The following UBE3D variants were observed in gnomAD, a reference collection of about 807,000 sequenced individuals.
The protein encoded by UBE3D is ubiquitin protein ligase E3D, also known as E3 ubiquitin-protein ligase E3D.
Under a neutral mutation model 49.6 loss-of-function variants are expected in UBE3D, and 48 were observed. The observed-to-expected ratio is 0.97, with a 90% CI of 0.77 to 1.23. UBE3D has a LOEUF of 1.23. Ranked by LOEUF, UBE3D falls within the 50% of genes most tolerant of loss-of-function variation. The pLI is 0.00. For missense variants in UBE3D, 452 were observed against 468.4 expected, an observed-to-expected ratio of 0.96 and a Z score of 0.32; for synonymous variants, 189 against 174.2, an observed-to-expected ratio of 1.08 and a Z score of -0.67.
the UBE3D span, among the ~76,000 whole-genome samples, chr6:82,881,658 C>T: frequency 6.6e-6 from 1 of 152,060 alleles, no homozygotes; most frequent in Non-Finnish European, 1.5e-5. Flanking sequence ...ACTGCTTTTT[C>T]CTCCTCTGAA....
At chr6:83,054,746 G>T (rs1783704072) in intron 2 of UBE3D, among the ~76,000 whole-genome samples, 1 of 152,042 alleles carries the variant, frequency 6.6e-6, no homozygotes, top group Non-Finnish European at 1.5e-5. Context: ...CTGCCTCCTG[G>T]GTTCAAGCAA....
chr6:82,948,449 A>G (rs927072140), intron 9 of UBE3D, among the ~76,000 whole-genome samples: 1 of 152,008 alleles, frequency 6.6e-6, no homozygotes, highest in Non-Finnish European at 1.5e-5. Context: ...AGAAGAACTA[A>G]TACCACTTCT....
the UBE3D span, among the ~76,000 whole-genome samples, chr6:82,881,342 T>C: frequency 1.3e-5 from 2 of 152,104 alleles, no homozygotes; most frequent in African/African-American, 4.8e-5. Context: ...GGTAGGAATA[T>C]GAGGGTGGGA....
intron 9 of UBE3D, among the ~76,000 whole-genome samples, chr6:82,942,969 A>C (rs1775124159): frequency 6.6e-6 from 1 of 152,144 alleles, no homozygotes; most frequent in Non-Finnish European, 1.5e-5. Context: ...ACAGACACTC[A>C]ACACCAGCCC....
At chr6:82,921,768 A>G (rs560170430) in intron 9 of UBE3D, among the ~76,000 whole-genome samples, 1 of 152,008 alleles carries the variant, frequency 6.6e-6, no homozygotes, top group African/African-American at 2.4e-5. Flanking sequence ...GCCTTGAAGA[A>G]CCCTCCCAAA....
intron 6 of UBE3D, among the ~76,000 whole-genome samples, chr6:83,023,553 A>G (rs1479425606): frequency 6.6e-6 from 1 of 152,230 alleles, no homozygotes; most frequent in Non-Finnish European, 1.5e-5. Context: ...CTACTTAGCC[A>G]CAAAAAGGAA....
chr6:82,960,136 C>T (rs949223194), intron 8 of UBE3D, among the ~76,000 whole-genome samples: 21 of 152,180 alleles, frequency 1.4e-4, no homozygotes, highest in African/African-American at 5.1e-4. Context: ...TCTAAATAAT[C>T]AATATACCAA....
At chr6:82,905,085 T>C (rs1355720264) in intron 9 of UBE3D, among the ~76,000 whole-genome samples, 2 of 152,196 alleles carry the variant, frequency 1.3e-5, no homozygotes, top group Admixed American at 1.3e-4. Flanking sequence ...GGATTAATGA[T>C]TAAGCCATGG....
intron 8 of UBE3D, among the ~76,000 whole-genome samples, chr6:82,962,416 C>T (rs1244858186): frequency 6.6e-6 from 1 of 152,152 alleles, no homozygotes; most frequent in Admixed American, 6.5e-5. Context: ...CACTCTGGAG[C>T]CTAATTTCCT....
chr6:82,887,068 C>T, the UBE3D span, among the ~76,000 whole-genome samples: 1 of 152,062 alleles, frequency 6.6e-6, no homozygotes, highest in Non-Finnish European at 1.5e-5. Flanking sequence ...CTTTGGGAGG[C>T]TAAGGCGGGT....
At chr6:83,037,446 G>C (rs1480242181) in intron 5 of UBE3D, 1 of 152,136 alleles carries the variant, frequency 6.6e-6, no homozygotes, top group Non-Finnish European at 1.5e-5. Flanking sequence ...TTAACCAGAA[G>C]GCTTAACTTT....
chr6:83,002,776 T>C (rs1779723269), intron 8 of UBE3D, among the ~76,000 whole-genome samples: 1 of 152,216 alleles, frequency 6.6e-6, no homozygotes, highest in African/African-American at 2.4e-5. Flanking sequence ...CAAGGCACCA[T>C]CTTGGAAGCA....
intron 9 of UBE3D, among the ~76,000 whole-genome samples, chr6:82,927,304 AC>A (rs1337158272): frequency 1.3e-5 from 2 of 151,432 alleles, no homozygotes; most frequent in Admixed American, 1.3e-4. Flanking sequence ...CAGTCCTCTA[AC>A]TTTGTTCCTC....
chr6:82,966,280 G>T (rs1582490555), intron 8 of UBE3D, among the ~76,000 whole-genome samples: 1 of 152,256 alleles, frequency 6.6e-6, no homozygotes, highest in East Asian at 1.9e-4. Context: ...TTGCTAGTGG[G>T]CAGAGTTTCA....
intron 9 of UBE3D, among the ~76,000 whole-genome samples, chr6:82,918,286 ACAAC>A (rs1773071488): frequency 7.2e-6 from 1 of 138,580 alleles, no homozygotes; most frequent in Non-Finnish European, 1.7e-5. Context: ...AACAACAACA[ACAAC>A]AAAAAAAAAA....
intron 4 of UBE3D, 94 bp downstream of exon 4, chr6:83,044,334 G>C: frequency 8.2e-7 from 1 of 1,217,826 alleles, no homozygotes; most frequent in South Asian, 1.4e-5. Flanking sequence ...CTTTACAGCA[G>C]TCTATGTAAC....
At position 83,042,418 on chromosome 6, in the gene UBE3D, T is replaced by C. The variant is rs1479696255; in HGVS notation, c.597+2010A>G. Among the ~76,000 whole-genome samples the C allele has an allele frequency of 2.0e-5, 3 of 152,366 alleles. No homozygotes were observed. The East Asian group carries it at 5.8e-4, about 29-fold the overall frequency. On this transcript the variant is annotated intron_variant, in intron 4 of 9. Transcript: ENST00000369747. The stretch of plus-strand genomic sequence containing the variant: ...GCTTCATGTTTGTTTGTGCTGTTTT[T>C]AAAAGCAGATCTTTTTAATTAAACA...
At chr6:82,975,183 G>C (rs1030437141) in intron 8 of UBE3D, among the ~76,000 whole-genome samples, 3 of 152,010 alleles carry the variant, frequency 2.0e-5, no homozygotes, top group African/African-American at 7.2e-5. Context: ...CTTCAATTTT[G>C]CTTCCTAATT....
At chr6:82,931,861 G>C (rs1343619584) in intron 9 of UBE3D, among the ~76,000 whole-genome samples, 3 of 152,168 alleles carry the variant, frequency 2.0e-5, no homozygotes, top group Non-Finnish European at 4.4e-5. Flanking sequence ...GGGGTGAAAA[G>C]ATATAGTCTG....
Sources: gnomAD v4.1 joint callset for allele counts (sites outside exome capture counted in the v4.1 genomes callset) on GRCh38, gnomAD v4.1.1 for gene constraint, MANE v1.5 for transcripts, NCBI Gene and HGNC (gene_info 2026-07-23, HGNC 2026-07-21) for gene names.